AFM: variants seen among roughly 807,000 people sequenced by gnomAD.
AFM encodes the protein alpha-Alb.
Under a neutral mutation model 68.7 loss-of-function variants are expected in AFM, and 82 were observed. That is an observed-to-expected ratio of 1.19 (90% CI 1.00 to 1.43). The LOEUF (loss-of-function observed/expected upper bound fraction) is 1.43, where lower values mean the gene tolerates loss of function less well. Among genes scored for constraint, AFM ranks in the 40% most tolerant of loss-of-function variants. The pLI, the probability that AFM is intolerant of heterozygous loss-of-function variation, is 0.00. For synonymous variants in AFM, 250 were observed against 234.2 expected (o/e 1.07, Z -0.61); for missense variants, 772 against 701.8 (o/e 1.10, Z -1.13).
intron 8 of AFM, among the ~76,000 whole-genome samples, chr4:73,494,848 A>G (rs557587896): frequency 6.6e-6 from 1 of 152,214 alleles, no homozygotes; most frequent in Non-Finnish European, 1.5e-5. Flanking sequence ...AAGTGACAGG[A>G]TGTAGTAATG....
At chr4:73,486,568 C>T (rs967971992) in intron 4 of AFM, among the ~76,000 whole-genome samples, 1 of 152,166 alleles carries the variant, frequency 6.6e-6, no homozygotes, top group Non-Finnish European at 1.5e-5. Context: ...CCCTGAATCT[C>T]AGATAGAGTG....
chr4:73,503,538 A>G (rs917300025), intron 14 of AFM, among the ~76,000 whole-genome samples: 1 of 152,164 alleles, frequency 6.6e-6, no homozygotes, highest in African/African-American at 2.4e-5. Context: ...CTTTACTGAG[A>G]TATGATTCAC....
chr4:73,483,449 A>T (rs766040764), intron 1 of AFM, among the ~76,000 whole-genome samples: 2 of 152,234 alleles, frequency 1.3e-5, no homozygotes, highest in African/African-American at 4.8e-5. Flanking sequence ...GTGTATGCTC[A>T]TTGGGAGGGA....
Position 73,481,760 on chromosome 4 carries a change from T to A in AFM, c.-16T>A, listed in dbSNP as rs187320979. On this transcript the variant is annotated 5_prime_UTR_variant, in exon 1 of 15. The change abolishes an upstream ATG in the 5' untranslated region. Transcript: ENST00000226355. The stretch of plus-strand genomic sequence containing the variant: ...CAACAACATTACTTTCTTTTGTAAA[T>A]GTGGTTTCTACAAAGATGAAACTAC... 1 of 1,447,632 alleles carries A rather than the reference T, an allele frequency of 6.9e-7. No homozygotes were observed. Among genetic ancestry groups the A allele is most frequent in the South Asian group, 1.2e-5 (1 of 81,632 alleles). 89.7% of individuals were successfully genotyped at this position (1,447,632 alleles called of 1,614,324 possible). A position where few individuals can be genotyped will look rare whatever the true frequency, so the allele number is the denominator to read the frequency against.
At chr4:73,485,823 C>A in intron 3 of AFM, 39 bp from the exon 4 acceptor site, 1 of 1,543,088 alleles carries the variant, frequency 6.5e-7, no homozygotes, top group Non-Finnish European at 8.9e-7. Context: ...CTTTACTTTA[C>A]CATGACTAAA....
At chr4:73,502,006 T>A (rs1431386224) in intron 13 of AFM, 87 bp downstream of exon 13, 2 of 1,393,162 alleles carry the variant, frequency 1.4e-6, no homozygotes, top group African/African-American at 2.9e-5. Flanking sequence ...CTGCTTCCTC[T>A]CTGCAGTGTC....
intron 5 of AFM, 61 bp downstream of exon 5, chr4:73,487,160 C>A (rs1720924791): frequency 1.9e-6 from 3 of 1,564,058 alleles, no homozygotes; most frequent in African/African-American, 1.4e-5. Context: ...CAGATCCAGA[C>A]CCTGACTTAT....
intron 1 of AFM, 49 bp downstream of exon 1, chr4:73,481,912 T>G: frequency 2.3e-6 from 3 of 1,316,122 alleles, no homozygotes; most frequent in Non-Finnish European, 3.2e-6. Context: ...GTTAGGATAA[T>G]TTCTATTTTT....
rs1311341193 is a variant in AFM at position 73,481,931 on chromosome 4, G to T, written c.88+68G>T. On this transcript the variant is annotated intron_variant, in intron 1 of 14. Transcript: ENST00000226355. Reference sequence around the variant, plus strand: ...GGATAATTTCTATTTTTAAAATTTTGTTTTCTTTCAAGTTAATTCTTTACT... The same window carrying T: ...GGATAATTTCTATTTTTAAAATTTTTTTTTCTTTCAAGTTAATTCTTTACT... 21 of 1,190,370 alleles carry T rather than the reference G, an allele frequency of 1.8e-5. 1 individual carries two copies. In the Admixed American group the frequency reaches 4.9e-4, roughly 28 times the overall value. 73.7% of individuals were successfully genotyped at this position (1,190,370 alleles called of 1,614,324 possible).
At chr4:73,488,861 T>C in intron 7 of AFM, 102 bp downstream of exon 7, 1 of 1,115,300 alleles carries the variant, frequency 9.0e-7, no homozygotes, top group South Asian at 1.5e-5. Context: ...CACAATGAAA[T>C]CAGAATGTGA....
chr4:73,485,881 A>G lies in AFM; in HGVS notation c.290A>G (p.Lys97Arg), dbSNP rs748449286. ...SKLPNNVLQE[K>R]ICAMEGLPQK... ...GTATAGAATAATGTTTTACAGGAAAAAATATGTGCTATGGAGGGGCTGCCA... is the reference window on the plus strand; with the variant it reads ...GTATAGAATAATGTTTTACAGGAAAGAATATGTGCTATGGAGGGGCTGCCA... Residue 97 changes from lysine to arginine, a missense_variant, in exon 4 of 15, where the codon AAA becomes AGA. By Grantham distance (26) the Lys-to-Arg change is conservative. Coordinates refer to ENST00000226355, the MANE Select transcript of AFM (RefSeq NM_001133.2). 36 of 1,613,948 alleles carry G rather than the reference A, an allele frequency of 2.2e-5. 1 individual carries two copies. The South Asian group carries it at 3.8e-4, about 17-fold the overall frequency.
intron 1 of AFM, 103 bp downstream of exon 1, chr4:73,481,966 C>T (rs1295563744): frequency 2.5e-6 from 2 of 796,124 alleles, no homozygotes; most frequent in Non-Finnish European, 2.0e-6. Context: ...TTGCTTTTTT[C>T]ACCCTCTCAC....
rs566071623 is a variant in AFM at position 73,500,325 on chromosome 4, AC to A, written c.1646+99del. On this transcript the variant is annotated intron_variant, in intron 12 of 14. Coordinates refer to ENST00000226355, the MANE Select transcript of AFM (RefSeq NM_001133.2). Reference sequence around the variant, plus strand: ...CTAGTGGATATGTCTTTTTGATATCACAATCCTGTTCCTTCCACCAAATTGT... The same window carrying A: ...CTAGTGGATATGTCTTTTTGATATCAAATCCTGTTCCTTCCACCAAATTGT... 4.4e-5 allele frequency: 47 copies of A among 1,060,878 alleles called. 1 individual carries two copies. The Admixed American group carries it at 1.0e-3, about 23-fold the overall frequency. The allele number at this position is 1,060,878 out of a possible 1,614,324, so 65.7% of individuals were successfully genotyped here. A position where few individuals can be genotyped will look rare whatever the true frequency, so the allele number is the denominator to read the frequency against.
intron 14 of AFM, among the ~76,000 whole-genome samples, chr4:73,503,627 A>C (rs971471001): frequency 6.6e-6 from 1 of 152,148 alleles, no homozygotes; most frequent in Non-Finnish European, 1.5e-5. Context: ...ATATATAAAG[A>C]TGCCCTCCCC....
chr4:73,501,716 A>G, intron 12 of AFM, 71 bp from the exon 13 acceptor site: 1 of 1,502,738 alleles, frequency 6.7e-7, no homozygotes, highest in Non-Finnish European at 9.0e-7. Context: ...ATTCTGTAAC[A>G]AGCATTTTGG....
Position 73,500,233 on chromosome 4 carries a change from A to C in AFM, c.1646+6A>C. On this transcript the variant is annotated splice_donor_region_variant and intron_variant, in intron 12 of 14. Transcript: ENST00000226355. ...CTTCAGAGGAAGACAGACAGGTACA[A>C]ATAATCTCTTCCATTCTTCTTTTTC... The C allele has an allele frequency of 6.2e-7, 1 of 1,600,690 alleles. No homozygotes were observed. The highest frequency in any genetic ancestry group is 8.5e-7 in the Non-Finnish European group (1 of 1,171,408).
intron 12 of AFM, among the ~76,000 whole-genome samples, chr4:73,501,343 T>G (rs1307507518): frequency 3.3e-5 from 5 of 152,174 alleles, no homozygotes; most frequent in Admixed American, 2.0e-4. Context: ...TCAGGGTAAT[T>G]GGAATGTCCA....
intron 1 of AFM, among the ~76,000 whole-genome samples, chr4:73,482,322 G>C (rs1248789667): frequency 1.3e-5 from 2 of 152,208 alleles, no homozygotes; most frequent in African/African-American, 2.4e-5. Flanking sequence ...TCCTGAGCCT[G>C]GCCAAGGCCA....
At chr4:73,490,930 T>A (rs1238391359) in intron 7 of AFM, among the ~76,000 whole-genome samples, 2 of 152,208 alleles carry the variant, frequency 1.3e-5, no homozygotes, top group African/African-American at 4.8e-5. Flanking sequence ...CGATCCCCAT[T>A]TTATTTTTTA....
Sources: gnomAD v4.1 joint callset for allele counts (sites outside exome capture counted in the v4.1 genomes callset) on GRCh38, gnomAD v4.1.1 for gene constraint, MANE v1.5 for transcripts, NCBI Gene and HGNC (gene_info 2026-07-23, HGNC 2026-07-21) for gene names.